TNR: variants seen among roughly 807,000 people sequenced by gnomAD.
TNR encodes the protein tenascin-R.
A neutral mutation model predicts 150.4 loss-of-function variants in TNR; 45 were observed. That is an observed-to-expected ratio of 0.30 (90% confidence interval 0.24 to 0.38). TNR has a LOEUF of 0.38. Among genes scored for constraint, TNR ranks in the 10% least tolerant of loss-of-function variants. TNR has a pLI of 1.00. For synonymous variants in TNR, 687 were observed against 678.4 expected (o/e 1.01, Z -0.20); for missense variants, 1,544 against 1,759.1 (o/e 0.88, Z 2.19).
chr1:175,411,932 A>G (rs1654233268), intron 2 of TNR, among the ~76,000 whole-genome samples: 2 of 151,984 alleles, frequency 1.3e-5, no homozygotes. Flanking sequence ...TCTCACAGCA[A>G]CCTATAAGCT....
intron 2 of TNR, among the ~76,000 whole-genome samples, chr1:175,408,215 C>T (rs868291870): frequency 7.2e-5 from 11 of 152,258 alleles, no homozygotes; most frequent in African/African-American, 2.2e-4. Flanking sequence ...GTGTGACCGT[C>T]GCTTCAGGAC....
At chr1:175,575,706 C>G (rs996940264) in intron 1 of TNR, among the ~76,000 whole-genome samples, 2 of 152,176 alleles carry the variant, frequency 1.3e-5, no homozygotes, top group African/African-American at 4.8e-5. Context: ...ACCAGGTAGA[C>G]AGCAGTGGAT....
At chr1:175,528,533 C>T (rs1404406657) in intron 1 of TNR, among the ~76,000 whole-genome samples, 164 bp from the exon 2 acceptor site, 1 of 152,168 alleles carries the variant, frequency 6.6e-6, no homozygotes, top group Admixed American at 6.5e-5. Flanking sequence ...TGCTTTTTCT[C>T]TCCAGAGACT....
intron 19 of TNR, among the ~76,000 whole-genome samples, chr1:175,336,853 C>A (rs1025864201): frequency 1.3e-5 from 2 of 152,214 alleles, no homozygotes; most frequent in Non-Finnish European, 2.9e-5. Flanking sequence ...GTGATCACCT[C>A]CTCATAGAGA....
At chr1:175,664,726 G>T (rs1665480928) in intron 1 of TNR, among the ~76,000 whole-genome samples, 1 of 152,190 alleles carries the variant, frequency 6.6e-6, no homozygotes, top group Admixed American at 6.5e-5. Context: ...AAAGATTCAG[G>T]TTAGAATAAG....
intron 1 of TNR, among the ~76,000 whole-genome samples, chr1:175,686,455 C>T (rs759712385): frequency 1.3e-5 from 2 of 151,748 alleles, no homozygotes; most frequent in Non-Finnish European, 2.9e-5. Flanking sequence ...GTTTGCAAAA[C>T]TCATTCCCTT....
intron 1 of TNR, among the ~76,000 whole-genome samples, chr1:175,542,171 A>T (rs532971317): frequency 6.6e-6 from 1 of 152,216 alleles, no homozygotes; most frequent in Non-Finnish European, 1.5e-5. Flanking sequence ...AAGGGAAAAG[A>T]GAAAGACCAA....
chr1:175,450,450 G>A (rs1229899058), intron 2 of TNR, among the ~76,000 whole-genome samples: 1 of 152,236 alleles, frequency 6.6e-6, no homozygotes, highest in Non-Finnish European at 1.5e-5. Flanking sequence ...AGACCTCCCT[G>A]ATAGCCGAGG....
chr1:175,432,339 T>G (rs1247133612), intron 2 of TNR, among the ~76,000 whole-genome samples: 1 of 152,042 alleles, frequency 6.6e-6, no homozygotes, highest in Admixed American at 6.5e-5. Flanking sequence ...GGAACAACTG[T>G]GGTTAGAAGT....
rs546660007 is a variant in TNR at position 175,403,692 on chromosome 1, G to A, written c.500-76C>T. The A allele has an allele frequency of 2.7e-5, 34 of 1,241,546 alleles. No homozygotes were observed. The South Asian group carries it at 4.3e-4, about 16-fold the overall frequency. 76.9% of individuals were successfully genotyped at this position (1,241,546 alleles called of 1,614,324 possible). Reference sequence around the variant, plus strand: ...ATGGTGCTGGGGAAGGATGGGCAAAGGCCTCTCTACTCATTCTCTGACCAG... The same window carrying A: ...ATGGTGCTGGGGAAGGATGGGCAAAAGCCTCTCTACTCATTCTCTGACCAG... On this transcript the variant is annotated intron_variant, in intron 3 of 22. Coordinates refer to ENST00000367674, the MANE Select transcript of TNR (RefSeq NM_003285.3).
rs557794786 is a variant in TNR, at chr1:175,578,712, C to A, written c.-164-50343G>T. Among the ~76,000 whole-genome samples the A allele has an allele frequency of 8.3e-4, 127 of 152,318 alleles. 4 individuals are homozygous for A. In the South Asian group the frequency reaches 0.025, roughly 30 times the overall value. ...CCCTGGAGCTGAACTAGAATTAAAA[C>A]AAATGGAAATCCTGTGGGGATTTTG... On this transcript the variant is annotated intron_variant, in intron 1 of 22. Coordinates refer to ENST00000367674, the MANE Select transcript of TNR (RefSeq NM_003285.3).
chr1:175,541,488 T>C (rs1660498127), intron 1 of TNR, among the ~76,000 whole-genome samples: 1 of 152,130 alleles, frequency 6.6e-6, no homozygotes, highest in Non-Finnish European at 1.5e-5. Context: ...AAGAGTCCTA[T>C]CCAAATAAAA....
At chr1:175,532,232 C>T (rs1403611203) in intron 1 of TNR, among the ~76,000 whole-genome samples, 1 of 152,152 alleles carries the variant, frequency 6.6e-6, no homozygotes, top group African/African-American at 2.4e-5. Flanking sequence ...TGCCCAATAC[C>T]CCAAAGTATG....
intron 4 of TNR, among the ~76,000 whole-genome samples, chr1:175,398,848 T>A (rs961061983): frequency 6.6e-6 from 1 of 152,132 alleles, no homozygotes; most frequent in Non-Finnish European, 1.5e-5. Flanking sequence ...AACAAGAATT[T>A]AAAAAAATAT....
chr1:175,577,878 T>C (rs1363428848), intron 1 of TNR, among the ~76,000 whole-genome samples: 2 of 152,190 alleles, frequency 1.3e-5, no homozygotes, highest in African/African-American at 2.4e-5. Context: ...ATCCATGCCA[T>C]TGCTCATGCA....
chr1:175,716,820 C>T (rs867065247), intron 1 of TNR, among the ~76,000 whole-genome samples: 21 of 152,336 alleles, frequency 1.4e-4, no homozygotes, highest in Middle Eastern at 6.8e-3. Flanking sequence ...CCAATCTAGA[C>T]CATTTGCTAC....
intron 1 of TNR, among the ~76,000 whole-genome samples, chr1:175,680,479 T>C (rs368561540): frequency 1.3e-5 from 2 of 151,898 alleles, no homozygotes; most frequent in East Asian, 1.9e-4. Flanking sequence ...GAAAGAGATA[T>C]TGACAGAGAC....
chr1:175,328,917 G>A (rs1649563559), intron 21 of TNR, among the ~76,000 whole-genome samples: 1 of 152,222 alleles, frequency 6.6e-6, no homozygotes, highest in African/African-American at 2.4e-5. Flanking sequence ...GAAGTGAATA[G>A]CGTCAGGTGA....
At chr1:175,405,719 A>T (rs1200331124) in intron 3 of TNR, among the ~76,000 whole-genome samples, 1 of 152,110 alleles carries the variant, frequency 6.6e-6, no homozygotes, top group Non-Finnish European at 1.5e-5. Context: ...AGATGGGGAT[A>T]GGTCCTCTGA....
Sources: allele counts gnomAD v4.1 joint callset (sites outside exome capture counted in the v4.1 genomes callset), GRCh38; gene constraint gnomAD v4.1.1; transcripts MANE v1.5; gene names NCBI Gene and HGNC (gene_info 2026-07-23, HGNC 2026-07-21).